The following LMF1 variants were observed in gnomAD, a reference collection of about 807,000 sequenced individuals.
LMF1 encodes transmembrane protein 112.
In LMF1, 68 loss-of-function variants were observed where a neutral mutation model predicts 60.6. That is an observed-to-expected ratio of 1.12 (90% confidence interval 0.92 to 1.37). The LOEUF is 1.37. Among genes scored for constraint, LMF1 ranks in the 40% most tolerant of loss-of-function variants. LMF1 has a pLI of 0.00. For synonymous variants in LMF1, 418 were observed against 324.7 expected (o/e 1.29, Z -3.09); for missense variants, 948 against 767.2 (o/e 1.24, Z -2.78).
At position 959,413 on chromosome 16, in the gene LMF1, C is replaced by G. The variant is rs1382450316; in HGVS notation, c.194-4747G>C. Among the ~76,000 whole-genome samples the G allele has an allele frequency of 2.0e-5, 3 of 152,066 alleles. No individual in the cohort carries two copies. The East Asian group carries it at 5.8e-4, about 29-fold the overall frequency. On this transcript the variant is annotated intron_variant, in intron 1 of 10. Transcript: ENST00000262301. Reference sequence around the variant, plus strand: ...GACCCGGGCGTGCCAGGGGCTGGTGCAGGGGAAGTGGTCACTCCCATGCAC... The same window carrying G: ...GACCCGGGCGTGCCAGGGGCTGGTGGAGGGGAAGTGGTCACTCCCATGCAC...
chr16:869,940 G>A lies in LMF1; in HGVS notation c.1359C>T (p.Cys453=). ...CKPGDPSRRP[C]LISPYHYRLD... Reference sequence around the variant, plus strand: ...GGCGGTAGTGGTACGGGGAGATGAGGCAGGGCCGTCTGCTGGGGTCACCTG... The same window carrying A: ...GGCGGTAGTGGTACGGGGAGATGAGACAGGGCCGTCTGCTGGGGTCACCTG... Residue 453 remains cysteine, a synonymous_variant, in exon 9 of 11, where the codon TGC becomes TGT. Transcript: ENST00000262301. The A allele has an allele frequency of 1.2e-6, 2 of 1,613,338 alleles. No homozygotes were observed. The highest frequency in any genetic ancestry group is 1.7e-6 in the Non-Finnish European group (2 of 1,179,870).
rs17742782 is a variant in LMF1, at chr16:879,319, G to A, written c.897+251C>T. 0.083 allele frequency among the ~76,000 whole-genome samples: 12,600 copies of A among 152,262 alleles called. 730 individuals are homozygous for A. Among genetic ancestry groups the A allele is most frequent in the Middle Eastern group, 0.15 (45 of 294 alleles). On this transcript the variant is annotated intron_variant, in intron 6 of 10. Transcript: ENST00000262301. ...AGCCCAGGACATGGCCGGGCCTCTCGCAGCTGCAGGAAACGCTCTTGGGAG... is the reference window on the plus strand; with the variant it reads ...AGCCCAGGACATGGCCGGGCCTCTCACAGCTGCAGGAAACGCTCTTGGGAG...
intron 1 of LMF1, chr16:968,969 C>A (rs1248296071): frequency 6.6e-6 from 1 of 152,184 alleles, no homozygotes; most frequent in East Asian, 1.9e-4. Flanking sequence ...AGTGACAGCA[C>A]CAACATTTAA....
rs182796622 is a variant in LMF1, at chr16:874,499, T to C, written c.898-3158A>G. On this transcript the variant is annotated intron_variant, in intron 6 of 10. Transcript: ENST00000262301. This position sits in a 1 kb window ranked among gnomAD's most constrained non-coding sequence, Gnocchi z 4.1. Reference sequence around the variant, plus strand: ...CCCTAGTGGAGGCTGATGGCTCCCGTGGGGTGCTGGCTGGGCGGCCGGGCT... The same window carrying C: ...CCCTAGTGGAGGCTGATGGCTCCCGCGGGGTGCTGGCTGGGCGGCCGGGCT... Among the ~76,000 whole-genome samples the C allele has an allele frequency of 7.4e-3, 1,124 of 152,266 alleles. 8 individuals are homozygous for C. Among genetic ancestry groups the C allele is most frequent in the African/African-American group, 0.026 (1,066 of 41,550 alleles).
intron 1 of LMF1, among the ~76,000 whole-genome samples, chr16:977,513 G>A (rs2073182608): frequency 6.6e-6 from 1 of 152,208 alleles, no homozygotes; most frequent in Non-Finnish European, 1.5e-5. Context: ...CCAGGACGCT[G>A]CCAACTGCCC....
intron 2 of LMF1, chr16:947,255 T>C (rs1236371980): frequency 2.8e-6 from 1 of 351,798 alleles, no homozygotes; most frequent in East Asian, 7.5e-5. Flanking sequence ...ATCAAATATG[T>C]CTACGCCTTG....
chr16:924,721 C>A (rs553023634), intron 3 of LMF1, among the ~76,000 whole-genome samples: 99 of 152,296 alleles, frequency 6.5e-4, no homozygotes, highest in Non-Finnish European at 1.1e-3. Flanking sequence ...TGAACCAACT[C>A]CAGGCACTGG....
chr16:874,339 G>A lies in LMF1; in HGVS notation c.898-2998C>T, dbSNP rs1028108324. ...GGGTGCAGCCACCACAGGGCAAGGA[G>A]CCCTTTGGGCAGGGCGGGGTGGGGT... On this transcript the variant is annotated intron_variant, in intron 6 of 10. Transcript: ENST00000262301. This position sits in a 1 kb window ranked among gnomAD's most constrained non-coding sequence, Gnocchi z 4.1. 2.1e-4 allele frequency among the ~76,000 whole-genome samples: 29 copies of A among 137,578 alleles called. No homozygotes were observed. Among genetic ancestry groups the A allele is most frequent in the Non-Finnish European group, 3.3e-4 (21 of 63,322 alleles). The allele number at this position is 137,578 out of a possible 152,430, so 90.3% of individuals were successfully genotyped here. A position where few individuals can be genotyped will look rare whatever the true frequency, so the allele number is the denominator to read the frequency against.
At chr16:912,530 G>A (rs762725744) in intron 3 of LMF1, among the ~76,000 whole-genome samples, 8 of 152,340 alleles carry the variant, frequency 5.3e-5, no homozygotes, top group South Asian at 4.1e-4. Flanking sequence ...TAAGCAGATC[G>A]GCGTGAGTGG....
chr16:896,316 C>T (rs541456172), intron 4 of LMF1, among the ~76,000 whole-genome samples: 74 of 152,332 alleles, frequency 4.9e-4, no homozygotes, highest in Non-Finnish European at 7.1e-4. Context: ...CTGCCTCTGG[C>T]GGGGCCATGT....
In LMF1 at chr16:935,056, C is replaced by T. The variant is rs371008751; in HGVS notation, c.504-802G>A. On this transcript the variant is annotated intron_variant, in intron 2 of 10. Transcript: ENST00000262301. The stretch of plus-strand genomic sequence containing the variant: ...CACGAAATGTACGGAACAGGCCGGT[C>T]CACAGACACAGGAGGTAGATTGCCA... Among the ~76,000 whole-genome samples, 20 of 152,264 alleles carry T rather than the reference C, an allele frequency of 1.3e-4. No individual in the cohort carries two copies. In the East Asian group the frequency reaches 3.7e-3, roughly 28 times the overall value.
At chr16:860,234 T>C (rs980085645) in intron 10 of LMF1, among the ~76,000 whole-genome samples, 2 of 152,194 alleles carry the variant, frequency 1.3e-5, no homozygotes, top group African/African-American at 4.8e-5. Flanking sequence ...GAGCAAATGC[T>C]TTTAATTTTA....
chr16:877,669 G>A (rs2070031286), intron 6 of LMF1, among the ~76,000 whole-genome samples: 1 of 152,206 alleles, frequency 6.6e-6, no homozygotes. Context: ...GGCATCGTGA[G>A]AGGCAGTGCG....
rs192415820 is a variant in LMF1, at chr16:868,344, C to G, written c.1529+600G>C. Among the ~76,000 whole-genome samples the G allele has an allele frequency of 4.6e-3, 699 of 152,276 alleles. 6 individuals carry two copies. The highest frequency in any genetic ancestry group is 8.7e-3 in the Non-Finnish European group (590 of 68,026). On this transcript the variant is annotated intron_variant, in intron 10 of 10. Coordinates refer to ENST00000262301, the MANE Select transcript of LMF1 (RefSeq NM_022773.4). ...TCACAATGCTCAGGGTCCTTAGTGTCTCCCTGTGCACCCCAGCTCCCCTGC... is the reference window on the plus strand; with the variant it reads ...TCACAATGCTCAGGGTCCTTAGTGTGTCCCTGTGCACCCCAGCTCCCCTGC...
intron 2 of LMF1, among the ~76,000 whole-genome samples, chr16:951,358 C>T (rs954082423): frequency 6.6e-6 from 1 of 152,150 alleles, no homozygotes; most frequent in Non-Finnish European, 1.5e-5. Context: ...AGAGTCAGAG[C>T]CAACGATGGA....
chr16:890,861 C>CA (rs1555452105), intron 5 of LMF1, among the ~76,000 whole-genome samples: 2 of 152,054 alleles, frequency 1.3e-5, no homozygotes, highest in South Asian at 4.1e-4. Flanking sequence ...GCCAACCCTC[C>CA]GGTGGCAGTG....
chr16:952,317 C>G (rs530184182), intron 2 of LMF1, among the ~76,000 whole-genome samples: 1 of 132,936 alleles, frequency 7.5e-6, no homozygotes, highest in African/African-American at 2.8e-5. Flanking sequence ...GACCCCCCCC[C>G]ACAGGTGCCC....
Position 970,307 on chromosome 16 carries a change from G to C in LMF1, c.193+481C>G, listed in dbSNP as rs549280025. Among the ~76,000 whole-genome samples the C allele has an allele frequency of 2.0e-5, 3 of 152,268 alleles. No homozygotes were observed. The South Asian group carries it at 6.2e-4, about 32-fold the overall frequency. ...TGGCGTGCGGGCGTCCAGTTACAGT[G>C]GGAACCTTCACCGTCAGCACAGCGC... On this transcript the variant is annotated intron_variant, in intron 1 of 10. Transcript: ENST00000262301.
At chr16:971,036 T>C (rs918100013), upstream of LMF1, 3 of 751,218 alleles carry the variant, frequency 4.0e-6, no homozygotes, top group Non-Finnish European at 5.2e-6. Flanking sequence ...CCCCGCCCAT[T>C]CTCGGAGGCC....
Sources: allele counts gnomAD v4.1 joint callset (sites outside exome capture counted in the v4.1 genomes callset), GRCh38; gene constraint gnomAD v4.1.1; non-coding constraint Gnocchi (gnomAD v3.1); transcripts MANE v1.5; gene names NCBI Gene and HGNC (gene_info 2026-07-23, HGNC 2026-07-21).